Variants in NUP153 observed in about 807,000 individuals in gnomAD.
NUP153 encodes nucleoporin 153, also known as nuclear pore complex protein Nup153.
In NUP153, 27 loss-of-function variants were observed where a neutral mutation model predicts 134.6. That is an observed-to-expected ratio of 0.20 (90% CI 0.15 to 0.28). The LOEUF (loss-of-function observed/expected upper bound fraction) is 0.28. NUP153 is among the 10% of genes least tolerant of loss of function. NUP153 has a pLI of 1.00. For missense variants in NUP153, 1,821 were observed against 1,731.3 expected, an observed-to-expected ratio of 1.05 and a Z score of -0.92; for synonymous variants, 640 against 623.5, an observed-to-expected ratio of 1.03 and a Z score of -0.40.
chr6:17,649,442 A>G, intron 11 of NUP153, 142 bp from the exon 12 acceptor site: 1 of 746,218 alleles, frequency 1.3e-6, no homozygotes, highest in Non-Finnish European at 2.0e-6. Flanking sequence ...GAAAAACTGA[A>G]CATGATTTTT....
At chr6:17,620,617 G>C (rs1249346272) in intron 20 of NUP153, among the ~76,000 whole-genome samples, 1 of 152,004 alleles carries the variant, frequency 6.6e-6, no homozygotes, top group Non-Finnish European at 1.5e-5. Context: ...ATGTAGCCCA[G>C]GATGGCTCTG....
At chr6:17,649,543 A>C (rs1195070604) in intron 11 of NUP153, among the ~76,000 whole-genome samples, 1 of 138,054 alleles carries the variant, frequency 7.2e-6, no homozygotes, top group Non-Finnish European at 1.6e-5. Flanking sequence ...TGAGGGAAAA[A>C]AGATAGTAAT....
chr6:17,647,832 T>G lies in NUP153; in HGVS notation c.1607A>C (p.Glu536Ala). The G allele has an allele frequency of 6.2e-7, 1 of 1,609,684 alleles. No individual in the cohort carries two copies. Among genetic ancestry groups the G allele is most frequent in the Non-Finnish European group, 8.5e-7 (1 of 1,175,956 alleles). ...KFSSPIVKST[E>A]ANVLPPSSIG... ...AGATGATGGAGGTAGTACATTTGCC[T>G]CAGTAGATTTTACGATTGGAGATGA... Residue 536 changes from glutamate to alanine, a missense_variant, in exon 13 of 22, where the codon GAG becomes GCG. Coordinates refer to ENST00000262077, the MANE Select transcript of NUP153 (RefSeq NM_005124.4).
At chr6:17,701,831 T>TGG (rs1180643494) in intron 1 of NUP153, among the ~76,000 whole-genome samples, 42 of 15,026 alleles carry the variant, frequency 2.8e-3, no homozygotes, top group Non-Finnish European at 6.9e-3. Flanking sequence ...AGACTCTGTC[T>TGG]CGGGGGGGGG....
intron 1 of NUP153, among the ~76,000 whole-genome samples, chr6:17,693,624 C>T (rs925167364): frequency 2.6e-5 from 4 of 152,166 alleles, no homozygotes; most frequent in Non-Finnish European, 5.9e-5. Context: ...CAGTGGCTCA[C>T]GCCTGTAATC....
At chr6:17,630,992 G>A (rs1304627295) in intron 17 of NUP153, among the ~76,000 whole-genome samples, 1 of 152,152 alleles carries the variant, frequency 6.6e-6, no homozygotes, top group Admixed American at 6.5e-5. Context: ...TACAGGTAGA[G>A]AACAGTATAA....
intron 2 of NUP153, among the ~76,000 whole-genome samples, chr6:17,687,628 GT>G (rs1436051320): frequency 5.8e-4 from 88 of 152,264 alleles, no homozygotes; most frequent in Non-Finnish European, 6.2e-4. Flanking sequence ...GCAGGGAGAT[GT>G]TACTAAGTAC....
chr6:17,633,028 A>C (rs1322274388), intron 16 of NUP153, among the ~76,000 whole-genome samples, 184 bp from the exon 17 acceptor site: 1 of 152,186 alleles, frequency 6.6e-6, no homozygotes, highest in East Asian at 1.9e-4. Context: ...AAAAAAAAGA[A>C]TAGACCTCTC....
At chr6:17,701,835 G>T (rs1355818569) in intron 1 of NUP153, among the ~76,000 whole-genome samples, 3 of 99,910 alleles carry the variant, frequency 3.0e-5, no homozygotes, top group African/African-American at 3.9e-5. Context: ...TCTGTCTCGG[G>T]GGGGGGGGGA....
intron 5 of NUP153, among the ~76,000 whole-genome samples, chr6:17,670,278 A>G (rs1031801223): frequency 5.3e-5 from 8 of 152,132 alleles, no homozygotes; most frequent in Admixed American, 4.6e-4. Context: ...ACAGGAAAGC[A>G]AGTACAACAT....
chr6:17,651,972 G>A (rs534233049), intron 11 of NUP153: 4 of 570,690 alleles, frequency 7.0e-6, no homozygotes, highest in African/African-American at 5.4e-5. Flanking sequence ...GCACATGCCT[G>A]TGGTCCCAGC....
At chr6:17,700,945 A>G (rs529277693) in intron 1 of NUP153, among the ~76,000 whole-genome samples, 166 of 152,344 alleles carry the variant, frequency 1.1e-3, no homozygotes, top group African/African-American at 3.6e-3. Flanking sequence ...AAAATAGCTA[A>G]GCAGTGGCTC....
At chr6:17,668,397 T>C (rs945774585) in intron 8 of NUP153, among the ~76,000 whole-genome samples, 3 of 151,980 alleles carry the variant, frequency 2.0e-5, no homozygotes, top group African/African-American at 7.2e-5. Context: ...CCTATTTTTA[T>C]TTATCAAAAG....
chr6:17,688,043 C>T (rs889085033), intron 2 of NUP153, among the ~76,000 whole-genome samples: 9 of 151,996 alleles, frequency 5.9e-5, no homozygotes, highest in East Asian at 5.8e-4. Flanking sequence ...GGCATGAATT[C>T]GGGAGGCGGA....
At chr6:17,701,847 A>AGGGGGGG (rs1554148736) in intron 1 of NUP153, among the ~76,000 whole-genome samples, 6 of 78,118 alleles carry the variant, frequency 7.7e-5, no homozygotes, top group Admixed American at 1.3e-4. Flanking sequence ...GGGGGGGGAA[A>AGGGGGGG]AAAGCTAAAT....
chr6:17,683,922 G>A (rs933446563), intron 2 of NUP153, among the ~76,000 whole-genome samples: 10 of 152,178 alleles, frequency 6.6e-5, no homozygotes, highest in Admixed American at 6.5e-4. Flanking sequence ...TGGAAGTGGG[G>A]TCATGGGAAG....
chr6:17,675,368 T>C lies in NUP153; in HGVS notation c.584A>G (p.Asp195Gly), dbSNP rs777162296. 8 of 1,613,370 alleles carry C rather than the reference T, an allele frequency of 5.0e-6. No homozygotes were observed. Among genetic ancestry groups the C allele is most frequent in the Non-Finnish European group, 6.8e-6 (8 of 1,179,656 alleles). Residue 195 changes from aspartate (D) to glycine (G), a missense_variant and splice_region_variant, in exon 4 of 22, where the codon GAT becomes GGT. Transcript: ENST00000262077. This position sits in a 1 kb window ranked among gnomAD's most constrained non-coding sequence, Gnocchi z 4.4. ...TGAAGTGTTCTTTGAAACAGTTATA[T>C]CTGAAACAAAATTACATAATCCATA... ...SGFSSRASDK[D>G]ITVSKNTSLP...
At chr6:17,663,118 C>T (rs1365459909) in intron 9 of NUP153, among the ~76,000 whole-genome samples, 3 of 151,824 alleles carry the variant, frequency 2.0e-5, no homozygotes, top group Non-Finnish European at 4.4e-5. Context: ...TAAGGGAACT[C>T]CTTGTTAATA....
At chr6:17,673,416 A>C (rs1393888062) in intron 5 of NUP153, among the ~76,000 whole-genome samples, 7 of 152,230 alleles carry the variant, frequency 4.6e-5, no homozygotes, top group African/African-American at 1.7e-4. Context: ...AGAGAATGGG[A>C]GAAAATATTC....
Sources: gnomAD v4.1 joint callset for allele counts (sites outside exome capture counted in the v4.1 genomes callset) on GRCh38, gnomAD v4.1.1 for gene constraint, Gnocchi (gnomAD v3.1) non-coding constraint, MANE v1.5 for transcripts, NCBI Gene and HGNC (gene_info 2026-07-23, HGNC 2026-07-21) for gene names.